The following PIAS2 variants were observed in gnomAD, a reference collection of about 807,000 sequenced individuals.
PIAS2 encodes E3 SUMO-protein ligase PIAS2.
A neutral mutation model predicts 69.7 loss-of-function variants in PIAS2; 19 were observed. That is an observed-to-expected ratio of 0.27 (90% CI 0.19 to 0.40). The LOEUF (loss-of-function observed/expected upper bound fraction) is 0.40. PIAS2 is among the 10% of genes least tolerant of loss of function. The probability of loss-of-function intolerance (pLI) is 1.00; values close to 1 mark genes in which losing one functional copy is unlikely to be tolerated. For missense variants in PIAS2, 624 were observed against 757.0 expected (o/e 0.82, Z 2.06); for synonymous variants, 261 against 263.2 (o/e 0.99, Z 0.08).
At chr18:46,861,512 G>A (rs2048657970) in intron 3 of PIAS2, among the ~76,000 whole-genome samples, 1 of 152,132 alleles carries the variant, frequency 6.6e-6, no homozygotes. Flanking sequence ...ACTTTACAGT[G>A]CAGATACCTG....
At chr18:46,823,025 CT>C (rs2042347979) in intron 11 of PIAS2, among the ~76,000 whole-genome samples, 1 of 148,776 alleles carries the variant, frequency 6.7e-6, no homozygotes, top group African/African-American at 2.5e-5. Flanking sequence ...ATTGCTTGAG[CT>C]GGAAGTTTGA....
intron 5 of PIAS2, among the ~76,000 whole-genome samples, chr18:46,850,184 C>T (rs1012190795): frequency 6.6e-6 from 1 of 152,086 alleles, no homozygotes; most frequent in African/African-American, 2.4e-5. Context: ...ACAATCTTTA[C>T]CTACTCTACC....
intron 11 of PIAS2, among the ~76,000 whole-genome samples, chr18:46,823,402 T>C (rs1403228267): frequency 6.6e-6 from 1 of 152,190 alleles, no homozygotes; most frequent in African/African-American, 2.4e-5. Context: ...CTGATTGCCC[T>C]TTCAACTTGA....
At chr18:46,858,192 T>TAA (rs1027761791) in intron 3 of PIAS2, among the ~76,000 whole-genome samples, 2 of 150,826 alleles carry the variant, frequency 1.3e-5, no homozygotes, top group African/African-American at 4.9e-5. Context: ...AGAGTACAGG[T>TAA]TGTTAGAAAA....
rs1781183503 is a variant in PIAS2, at chr18:46,811,678, A to C, written c.*755T>G. 6.6e-6 allele frequency: 1 copy of C among 152,230 alleles called. No individual in the cohort carries two copies. Among genetic ancestry groups the C allele is most frequent in the Admixed American group, 6.5e-5 (1 of 15,284 alleles). The allele number at this position is 152,230 out of a possible 1,614,324, so 9.4% of individuals were successfully genotyped here. ...TGAAAAATGTACAATTACTAAAAACATAATAACACACTTTATGTCAGGGCA... is the reference window on the plus strand; with the variant it reads ...TGAAAAATGTACAATTACTAAAAACCTAATAACACACTTTATGTCAGGGCA... On this transcript the variant is annotated 3_prime_UTR_variant, in exon 14 of 14. Coordinates refer to ENST00000585916, the MANE Select transcript of PIAS2 (RefSeq NM_004671.5).
In PIAS2 at chr18:46,812,610, GT is replaced by G; in HGVS notation, c.1688del (p.Tyr563SerfsTer14). 1 of 1,601,570 alleles carries G rather than the reference GT, an allele frequency of 6.2e-7. No individual in the cohort carries two copies. The highest frequency in any genetic ancestry group is 8.5e-7 in the Non-Finnish European group (1 of 1,171,446). On this transcript the variant is annotated frameshift_variant and splice_region_variant, in exon 14 of 14. Coordinates refer to ENST00000585916, the MANE Select transcript of PIAS2 (RefSeq NM_004671.5). LOFTEE classifies it high-confidence loss of function. ...GACTATCCAAAAACATAGGAGGACA[GT>G]ACTGCTTGAAACAAACAATGATGCC... ...FLSLIPVDPQ[Y>X]CPPMFLDSLT...
chr18:46,825,186 A>G (rs1193809461), intron 11 of PIAS2, among the ~76,000 whole-genome samples: 2 of 152,154 alleles, frequency 1.3e-5, no homozygotes, highest in Non-Finnish European at 2.9e-5. Context: ...GAACTACAAG[A>G]AAGGATATGA....
chr18:46,840,329 T>C (rs373659152), intron 8 of PIAS2, among the ~76,000 whole-genome samples: 1 of 152,332 alleles, frequency 6.6e-6, no homozygotes, highest in Admixed American at 6.5e-5. Context: ...TCATCATCTA[T>C]TGGGTAACCC....
intron 6 of PIAS2, 131 bp downstream of exon 6, chr18:46,846,576 T>G: frequency 1.1e-6 from 1 of 906,312 alleles, no homozygotes; most frequent in Non-Finnish European, 1.6e-6. Flanking sequence ...ACCTCTAAAC[T>G]GAAAATTACT....
chr18:46,816,315 T>C (rs1261795806), intron 12 of PIAS2: 2 of 956,770 alleles, frequency 2.1e-6, no homozygotes, highest in Non-Finnish European at 2.5e-6. Context: ...CAGTATGAAT[T>C]TATAACTCAA....
Position 46,804,401 on chromosome 18 carries a change from A to G in PIAS2, c.*8032T>C, listed in dbSNP as rs1205867969. 6.6e-6 allele frequency: 1 copy of G among 152,166 alleles called. No individual in the cohort carries two copies. Among genetic ancestry groups the G allele is most frequent in the Non-Finnish European group, 1.5e-5 (1 of 68,024 alleles). The allele number at this position is 152,166 out of a possible 1,614,324, so 9.4% of individuals were successfully genotyped here. ...TGACTCCTCAATTACAAGCTGCATG[A>G]CCCTGGGCAAGTAAGTCGCTTATCC... is the stretch of plus-strand genomic sequence containing the variant. On this transcript the variant is annotated 3_prime_UTR_variant, in exon 14 of 14. Coordinates refer to ENST00000585916, the MANE Select transcript of PIAS2 (RefSeq NM_004671.5).
intron 1 of PIAS2, among the ~76,000 whole-genome samples, chr18:46,910,159 A>AAAATAAAT (rs891806142): frequency 1.3e-5 from 2 of 152,090 alleles, no homozygotes; most frequent in Non-Finnish European, 2.9e-5. Flanking sequence ...TCCGTCTCAA[A>AAAATAAAT]AAATAAATAA....
intron 7 of PIAS2, 108 bp from the exon 8 acceptor site, chr18:46,844,235 T>C (rs1413700721): frequency 4.2e-5 from 19 of 455,074 alleles, no homozygotes; most frequent in East Asian, 2.1e-4. Flanking sequence ...TATTAATGTA[T>C]TGACAACACG....
At position 46,890,762 on chromosome 18, in the gene PIAS2, G is replaced by A; in HGVS notation, c.317C>T (p.Ser106Phe). The change falls in exon 2 of 14, where the codon TCC (serine) becomes TTC (phenylalanine). Residue 106 changes from serine to phenylalanine, a missense_variant. Physicochemically the swap from Ser to Phe is radical, Grantham distance 155. This residue lies in a region of PIAS2 where 339 missense variants were observed against 408.8 expected (regional missense o/e 0.83). Transcript: ENST00000585916. Reference sequence around the variant, plus strand: ...TGGTGAGTGAGGTGTAACTGAAGTGGAAGGCAACGAGTGGATTCCAGCCAC... The same window carrying A: ...TGGTGAGTGAGGTGTAACTGAAGTGAAAGGCAACGAGTGGATTCCAGCCAC... ...LAVAGIHSLP[S>F]TSVTPHSPSS... is the part of the protein sequence containing the mutation. The A allele has an allele frequency of 6.2e-7, 1 of 1,614,188 alleles. No homozygotes were observed. Among genetic ancestry groups the A allele is most frequent in the East Asian group, 2.2e-5 (1 of 44,890 alleles).
intron 2 of PIAS2, among the ~76,000 whole-genome samples, chr18:46,878,400 A>G (rs1426805212): frequency 6.6e-6 from 1 of 152,242 alleles, no homozygotes; most frequent in Admixed American, 6.5e-5. Flanking sequence ...ATATTTTGTC[A>G]CCTACTTTGT....
At chr18:46,829,079 C>A (rs2043215529) in intron 10 of PIAS2, among the ~76,000 whole-genome samples, 1 of 152,104 alleles carries the variant, frequency 6.6e-6, no homozygotes, top group African/African-American at 2.4e-5. Flanking sequence ...AGTGAGTAGA[C>A]TGTTAGATAA....
chr18:46,843,162 A>C (rs1478234709), intron 8 of PIAS2, among the ~76,000 whole-genome samples: 1 of 152,202 alleles, frequency 6.6e-6, no homozygotes, highest in Non-Finnish European at 1.5e-5. Flanking sequence ...TTCATCTACA[A>C]AATGAAGACA....
At chr18:46,853,116 A>C (rs2047214724) in intron 5 of PIAS2, 1 of 152,380 alleles carries the variant, frequency 6.6e-6, no homozygotes, top group Non-Finnish European at 1.5e-5. Context: ...GTCTCTACAA[A>C]AAATACAAAA....
chr18:46,874,060 C>T (rs897863243), intron 2 of PIAS2, among the ~76,000 whole-genome samples: 9 of 152,162 alleles, frequency 5.9e-5, no homozygotes, highest in African/African-American at 2.2e-4. Context: ...CTGGGGACCT[C>T]AAGCTCTGTG....
Sources: gnomAD v4.1 joint callset for allele counts (sites outside exome capture counted in the v4.1 genomes callset) on GRCh38, gnomAD v4.1.1 for gene constraint, gnomAD v4.1.1 regional missense constraint, MANE v1.5 for transcripts, NCBI Gene and HGNC (gene_info 2026-07-23, HGNC 2026-07-21) for gene names.